Variants in ADCY9 observed in about 807,000 individuals in gnomAD.
ADCY9 encodes adenylate cyclase 9.
Under a neutral mutation model 101.5 loss-of-function variants are expected in ADCY9, and 50 were observed. The ratio of observed to expected loss-of-function variants is 0.49; its 90% CI spans 0.39 to 0.62. The LOEUF (loss-of-function observed/expected upper bound fraction) is 0.62. ADCY9 is among the 20% of genes least tolerant of loss of function. ADCY9 has a pLI of 0.00. For synonymous variants in ADCY9, 905 were observed against 769.3 expected (o/e 1.18, Z -2.92); for missense variants, 1,662 against 1,800.4 (o/e 0.92, Z 1.39).
intron 6 of ADCY9, 86 bp downstream of exon 6, chr16:3,988,908 T>C (rs2056220738): frequency 1.9e-6 from 2 of 1,075,228 alleles, no homozygotes; most frequent in East Asian, 4.8e-5. Context: ...TCCCATCCCT[T>C]GGTAAAGCAC....
intron 3 of ADCY9, among the ~76,000 whole-genome samples, chr16:4,000,306 G>A (rs565691879): frequency 1.3e-5 from 2 of 152,294 alleles, no homozygotes; most frequent in South Asian, 2.1e-4. Flanking sequence ...AGAGCCACAC[G>A]GTACGGTCGG....
At chr16:4,044,916 G>C (rs761099927) in intron 2 of ADCY9, among the ~76,000 whole-genome samples, 8 of 152,196 alleles carry the variant, frequency 5.3e-5, no homozygotes, top group South Asian at 2.1e-4. Context: ...TCACAGCAAC[G>C]GGCTCCCGGC....
Position 4,019,605 on chromosome 16 carries a change from A to C in ADCY9, c.1694-12047T>G, listed in dbSNP as rs544176723. Among the ~76,000 whole-genome samples, 10 of 152,264 alleles carry C rather than the reference A, an allele frequency of 6.6e-5. No individual in the cohort carries two copies. The South Asian group carries it at 2.1e-3, about 32-fold the overall frequency. On this transcript the variant is annotated intron_variant, in intron 2 of 10. Transcript: ENST00000294016. The stretch of plus-strand genomic sequence containing the variant: ...CTTCAGTCAGCAGCCCTCACTCCCA[A>C]AAGGGGTGAGGAGTCTTCAGAAACT...
intron 2 of ADCY9, among the ~76,000 whole-genome samples, chr16:4,095,630 T>C (rs2056998888): frequency 6.6e-6 from 1 of 152,144 alleles, no homozygotes; most frequent in Admixed American, 6.6e-5. Context: ...AATTATTCAC[T>C]TCACATTTTC....
rs142414202 is a variant in ADCY9 at position 4,095,899 on chromosome 16, C to A, written c.1693+17851G>T. Among the ~76,000 whole-genome samples, 46 of 150,962 alleles carry A rather than the reference C, an allele frequency of 3.0e-4. 1 individual carries two copies. The East Asian group carries it at 8.4e-3, about 28-fold the overall frequency. On this transcript the variant is annotated intron_variant, in intron 2 of 10. Coordinates refer to ENST00000294016, the MANE Select transcript of ADCY9 (RefSeq NM_001116.4). The stretch of plus-strand genomic sequence containing the variant: ...GGCTGAGGCACAAGACTCACTTGAA[C>A]CCAGGAGGCGGAGTTTGCAGTGAGC...
downstream of ADCY9, among the ~76,000 whole-genome samples, chr16:3,961,505 G>C (rs1309960049): frequency 5.3e-5 from 8 of 151,866 alleles, no homozygotes; most frequent in Non-Finnish European, 1.2e-4. Context: ...AGGCAGCAAG[G>C]ACGGGTTATT....
chr16:4,104,453 A>C (rs2057063275), intron 2 of ADCY9, among the ~76,000 whole-genome samples: 1 of 152,178 alleles, frequency 6.6e-6, no homozygotes, highest in African/African-American at 2.4e-5. Context: ...CTACCACTCA[A>C]AATAAAAAAT....
intron 2 of ADCY9, among the ~76,000 whole-genome samples, chr16:4,085,471 G>A (rs533603166): frequency 6.6e-6 from 1 of 152,234 alleles, no homozygotes; most frequent in South Asian, 2.1e-4. Flanking sequence ...GAATGTGTGT[G>A]TGAACACCAT....
chr16:3,997,728 C>T (rs889914075), intron 3 of ADCY9, among the ~76,000 whole-genome samples: 5 of 152,292 alleles, frequency 3.3e-5, no homozygotes, highest in African/African-American at 7.2e-5. Context: ...GACTCCAGGC[C>T]GCGCTGGGTG....
intron 6 of ADCY9, among the ~76,000 whole-genome samples, chr16:3,986,659 T>C (rs1359502936): frequency 6.6e-6 from 1 of 152,176 alleles, no homozygotes; most frequent in Non-Finnish European, 1.5e-5. Flanking sequence ...GGTTTCACTA[T>C]GTTGGCCAGG....
chr16:4,076,474 C>G (rs547797226), intron 2 of ADCY9, among the ~76,000 whole-genome samples: 1 of 152,332 alleles, frequency 6.6e-6, no homozygotes, highest in South Asian at 2.1e-4. Flanking sequence ...CCTAACTCGT[C>G]CCACACAAAG....
intron 2 of ADCY9, among the ~76,000 whole-genome samples, chr16:4,082,676 CCATG>C (rs968045016): frequency 6.7e-6 from 1 of 148,418 alleles, no homozygotes; most frequent in Non-Finnish European, 1.5e-5. Context: ...CCATGCACAC[CCATG>C]CATGCATGCA....
At chr16:3,990,421 G>A (rs2056234529) in intron 5 of ADCY9, among the ~76,000 whole-genome samples, 1 of 151,622 alleles carries the variant, frequency 6.6e-6, no homozygotes, top group South Asian at 2.1e-4. Context: ...AGCCAAGATG[G>A]CGCCACTGCA....
intron 2 of ADCY9, among the ~76,000 whole-genome samples, chr16:4,100,743 CA>C (rs35359235): frequency 8.7e-4 from 100 of 115,068 alleles, no homozygotes; most frequent in Admixed American, 1.9e-3. Context: ...ACTCTTGTCT[CA>C]AAAAAAAAAA....
intron 2 of ADCY9, among the ~76,000 whole-genome samples, chr16:4,111,654 G>C (rs910801546): frequency 1.3e-5 from 2 of 152,008 alleles, no homozygotes; most frequent in African/African-American, 2.4e-5. Flanking sequence ...CAAAATCGTG[G>C]TCTCAGAGAA....
At chr16:4,107,618 G>A (rs1288057385) in intron 2 of ADCY9, among the ~76,000 whole-genome samples, 1 of 147,562 alleles carries the variant, frequency 6.8e-6, no homozygotes, top group Non-Finnish European at 1.5e-5. Flanking sequence ...CAAGCAAGGA[G>A]ACTGAGCTCT....
chr16:4,104,910 A>C (rs1423706502), intron 2 of ADCY9, among the ~76,000 whole-genome samples: 2 of 152,054 alleles, frequency 1.3e-5, no homozygotes, highest in Non-Finnish European at 2.9e-5. Flanking sequence ...TCTACTAAAA[A>C]TACAAAAAAT....
At chr16:4,084,750 A>G (rs977840652) in intron 2 of ADCY9, among the ~76,000 whole-genome samples, 1 of 151,960 alleles carries the variant, frequency 6.6e-6, no homozygotes, top group African/African-American at 2.4e-5. Context: ...ACAAACAAAC[A>G]GGAAATGTGA....
chr16:3,957,569 G>C (rs922620798), intron 5 of ADCY9, among the ~76,000 whole-genome samples: 49 of 152,286 alleles, frequency 3.2e-4, no homozygotes, highest in African/African-American at 1.2e-3. Context: ...AGGCAGGTGT[G>C]TCCTTGGAGA....
Sources: gnomAD v4.1 joint callset for allele counts (sites outside exome capture counted in the v4.1 genomes callset) on GRCh38, gnomAD v4.1.1 for gene constraint, MANE v1.5 for transcripts, NCBI Gene and HGNC (gene_info 2026-07-23, HGNC 2026-07-21) for gene names.